NR5A2: variants seen among roughly 807,000 people sequenced by gnomAD.
NR5A2 encodes nuclear receptor subfamily 5 group A member 2.
NR5A2 carries 26 observed loss-of-function variants against 62.7 expected under a neutral mutation model. That is an observed-to-expected ratio of 0.41 (90% CI 0.30 to 0.58). NR5A2 has a LOEUF of 0.58. NR5A2 is among the 20% of genes least tolerant of loss of function. The pLI is 0.22. For missense variants in NR5A2, 541 were observed against 669.1 expected (o/e 0.81, Z 2.11); for synonymous variants, 246 against 241.7 (o/e 1.02, Z -0.16).
In NR5A2 at chr1:200,039,032, C is replaced by T. The variant is rs899536448; in HGVS notation, c.65-626C>T. ...TCTTCCCCCCTGTCCTTCCCAGCAC[C>T]GTCACCCTCGGGGCTGGGAAGGGCC... On this transcript the variant is annotated intron_variant, in intron 1 of 7. Transcript: ENST00000367362. This position sits in a 1 kb window ranked among gnomAD's most constrained non-coding sequence, Gnocchi z 5.1. Among the ~76,000 whole-genome samples, 9 of 151,952 alleles carry T rather than the reference C, an allele frequency of 5.9e-5. No homozygotes were observed. Among genetic ancestry groups the T allele is most frequent in the Non-Finnish European group, 2.9e-5 (2 of 67,970 alleles).
At chr1:200,084,291 C>G (rs1664428943) in intron 5 of NR5A2, among the ~76,000 whole-genome samples, 1 of 152,134 alleles carries the variant, frequency 6.6e-6, no homozygotes, top group Admixed American at 6.5e-5. Flanking sequence ...TGCTCTCTTT[C>G]TGTTTAAGCC....
chr1:200,163,227 C>T (rs564423934), intron 7 of NR5A2, among the ~76,000 whole-genome samples: 1 of 120,236 alleles, frequency 8.3e-6, no homozygotes, highest in East Asian at 2.4e-4. Context: ...TAAAGTTGGC[C>T]ATGAATTTGA....
intron 1 of NR5A2, among the ~76,000 whole-genome samples, chr1:200,029,951 G>T (rs990901944): frequency 6.6e-6 from 1 of 152,326 alleles, no homozygotes; most frequent in African/African-American, 2.4e-5. Context: ...TGAATGGCTG[G>T]ACGGAGCCAT....
rs1054503315 is a variant in NR5A2, at chr1:200,147,220, AGCCAGCGAG to A, written c.1378+26269_1378+26277del. On this transcript the variant is annotated intron_variant, in intron 7 of 7. Coordinates refer to ENST00000367362, the MANE Select transcript of NR5A2 (RefSeq NM_205860.3). This position sits in a 1 kb window ranked among gnomAD's most constrained non-coding sequence, Gnocchi z 4.9. ...AAAATAGAGGGGGGCACCTCGCTGAAGCCAGCGAGGCCGCTGCACCACGTGGTGTCAGGA... is the reference window on the plus strand; with the variant it reads ...AAAATAGAGGGGGGCACCTCGCTGAAGCCGCTGCACCACGTGGTGTCAGGA... 1.3e-5 allele frequency among the ~76,000 whole-genome samples: 2 copies of A among 152,236 alleles called. No individual in the cohort carries two copies. The highest frequency in any genetic ancestry group is 4.8e-5 in the African/African-American group (2 of 41,468).
chr1:200,173,048 C>T (rs138586461), intron 7 of NR5A2, among the ~76,000 whole-genome samples: 1 of 152,114 alleles, frequency 6.6e-6, no homozygotes, highest in Non-Finnish European at 1.5e-5. Flanking sequence ...TCCAGCATAC[C>T]GTTTTCCCTT....
chr1:200,113,604 A>ATT (rs1666064239), intron 6 of NR5A2, among the ~76,000 whole-genome samples: 2 of 152,236 alleles, frequency 1.3e-5, no homozygotes, highest in Non-Finnish European at 2.9e-5. Flanking sequence ...TACCTAGCAC[A>ATT]AAGCTGAATA....
chr1:200,031,969 C>T (rs1452459758), intron 1 of NR5A2, among the ~76,000 whole-genome samples: 4 of 152,166 alleles, frequency 2.6e-5, no homozygotes, highest in Non-Finnish European at 5.9e-5. Context: ...TACTTGACCC[C>T]TCTACCAGAC....
chr1:200,095,886 T>G (rs1389165982), intron 5 of NR5A2, among the ~76,000 whole-genome samples: 1 of 151,964 alleles, frequency 6.6e-6, no homozygotes, highest in Non-Finnish European at 1.5e-5. Context: ...TTTTTGGCAG[T>G]GAAAAGTCTA....
In NR5A2 at chr1:200,147,644, C is replaced by A; in HGVS notation, c.1379-26319C>A. 2.8e-6 allele frequency: 2 copies of A among 707,038 alleles called. No homozygotes were observed. Among genetic ancestry groups the A allele is most frequent in the Non-Finnish European group, 5.3e-6 (2 of 376,534 alleles). 43.8% of individuals were successfully genotyped at this position (707,038 alleles called of 1,614,324 possible). A position where few individuals can be genotyped will look rare whatever the true frequency, so the allele number is the denominator to read the frequency against. On this transcript the variant is annotated intron_variant, in intron 7 of 7. Coordinates refer to ENST00000367362, the MANE Select transcript of NR5A2 (RefSeq NM_205860.3). The surrounding 1 kb of genome is among the most constrained non-coding windows in gnomAD (Gnocchi z 4.9). ...CGCCGCAGCTTGCCCTGGATCTTGT[C>A]GATTGAGTTGAAGTCGGACACGTGG...
rs533784127 is a variant in NR5A2, at chr1:200,063,478, A to G, written c.1110+14660A>G. Among the ~76,000 whole-genome samples, 5 of 152,174 alleles carry G rather than the reference A, an allele frequency of 3.3e-5. No individual in the cohort carries two copies. The South Asian group carries it at 6.2e-4, about 19-fold the overall frequency. On this transcript the variant is annotated intron_variant, in intron 5 of 7. Transcript: ENST00000367362. ...CGGCCTAAAAGCATTACTATGTTGC[A>G]CTCATCTGTTGGTATTCCTGCTGAT...
At chr1:200,031,420 G>A (rs546884488) in intron 1 of NR5A2, among the ~76,000 whole-genome samples, 2 of 152,156 alleles carry the variant, frequency 1.3e-5, no homozygotes, top group African/African-American at 4.8e-5. Context: ...GGGCTTGGGG[G>A]TTGAGGTAGG....
At chr1:200,129,358 G>A (rs1666862986) in intron 7 of NR5A2, among the ~76,000 whole-genome samples, 1 of 152,022 alleles carries the variant, frequency 6.6e-6, no homozygotes, top group Non-Finnish European at 1.5e-5. Flanking sequence ...AGAGACAACA[G>A]AGATTTGTAG....
In NR5A2 at chr1:200,064,148, C is replaced by CA. The variant is rs577974954; in HGVS notation, c.1110+15345dup. ...TGGGCGACAGAGCGAGACTCCATCT[C>CA]AAAAAAAAAAAAAAAGGACGAGAGC... On this transcript the variant is annotated intron_variant, in intron 5 of 7. Transcript: ENST00000367362. 8.5e-3 allele frequency among the ~76,000 whole-genome samples: 855 copies of CA among 100,924 alleles called. 4 individuals are homozygous for CA. Among genetic ancestry groups the CA allele is most frequent in the African/African-American group, 0.017 (460 of 26,826 alleles). 66.2% of individuals were successfully genotyped at this position (100,924 alleles called of 152,430 possible).
At chr1:200,042,746 A>T in intron 2 of NR5A2, 32 of 664,732 alleles carry the variant, frequency 4.8e-5, no homozygotes, top group South Asian at 6.8e-5. Context: ...CCCATACTTG[A>T]CCTGTGTGGA....
intron 5 of NR5A2, among the ~76,000 whole-genome samples, chr1:200,074,570 T>G (rs1393355397): frequency 1.3e-5 from 2 of 151,516 alleles, no homozygotes; most frequent in Non-Finnish European, 2.9e-5. Context: ...ACTCCGTCTC[T>G]ACTAAAAATA....
intron 5 of NR5A2, among the ~76,000 whole-genome samples, chr1:200,075,901 T>TTTTCTTTTCTTTTC (rs1558123526): frequency 3.1e-5 from 2 of 63,534 alleles, no homozygotes; most frequent in East Asian, 5.0e-4. Flanking sequence ...CTTTTCTTTT[T>TTTTCTTTTCTTTTC]TTTTTGTTAA....
chr1:200,170,423 T>C (rs1360984640), intron 7 of NR5A2, among the ~76,000 whole-genome samples: 1 of 152,236 alleles, frequency 6.6e-6, no homozygotes, highest in Non-Finnish European at 1.5e-5. Flanking sequence ...ATTCCATGAG[T>C]ACCGAGGAAA....
chr1:200,159,631 T>C (rs1454532377), intron 7 of NR5A2, among the ~76,000 whole-genome samples: 1 of 145,508 alleles, frequency 6.9e-6, no homozygotes, highest in African/African-American at 2.6e-5. Context: ...GAAAAGATTT[T>C]TTAAATTATT....
intron 5 of NR5A2, among the ~76,000 whole-genome samples, chr1:200,108,356 C>CT (rs1665789815): frequency 6.6e-6 from 1 of 152,158 alleles, no homozygotes; most frequent in Non-Finnish European, 1.5e-5. Flanking sequence ...GGGATTATGG[C>CT]TGTGAGCCAC....
Sources: gnomAD v4.1 joint callset for allele counts (sites outside exome capture counted in the v4.1 genomes callset) on GRCh38, gnomAD v4.1.1 for gene constraint, Gnocchi (gnomAD v3.1) non-coding constraint, MANE v1.5 for transcripts, NCBI Gene and HGNC (gene_info 2026-07-23, HGNC 2026-07-21) for gene names.